FHIT: variants seen among roughly 807,000 people sequenced by gnomAD.
FHIT encodes bis(5'-adenosyl)-triphosphatase.
FHIT carries 19 observed loss-of-function variants against 17.9 expected under a neutral mutation model. That is an observed-to-expected ratio of 1.06 (90% confidence interval 0.74 to 1.56). The LOEUF is 1.56. Ranked by LOEUF, FHIT falls within the 40% of genes most tolerant of loss-of-function variation. FHIT has a pLI of 0.00. For missense variants in FHIT, 248 were observed against 189.2 expected (o/e 1.31, Z -1.82); for synonymous variants, 81 against 69.7 (o/e 1.16, Z -0.81).
intron 8 of FHIT, among the ~76,000 whole-genome samples, chr3:59,819,071 G>T (rs1202136304): frequency 6.6e-6 from 1 of 152,164 alleles, no homozygotes; most frequent in East Asian, 1.9e-4. Context: ...TGTAGAAACA[G>T]TTCCATATGC....
intron 5 of FHIT, among the ~76,000 whole-genome samples, chr3:60,211,301 T>C (rs1703442893): frequency 6.6e-6 from 1 of 151,992 alleles, no homozygotes; most frequent in Non-Finnish European, 1.5e-5. Flanking sequence ...TGCAACCTTA[T>C]GTATATATTG....
intron 4 of FHIT, among the ~76,000 whole-genome samples, chr3:60,698,892 G>A (rs1483899786): frequency 7.2e-5 from 11 of 152,080 alleles, no homozygotes; most frequent in African/African-American, 2.2e-4. Context: ...TAATCTATTA[G>A]CACATCACCC....
At chr3:59,792,905 T>C (rs993021383) in intron 8 of FHIT, among the ~76,000 whole-genome samples, 7 of 151,230 alleles carry the variant, frequency 4.6e-5, no homozygotes, top group Non-Finnish European at 7.4e-5. Context: ...CTTGAAAATC[T>C]GATGAAGTAT....
intron 4 of FHIT, among the ~76,000 whole-genome samples, chr3:60,613,817 G>T (rs988279323): frequency 5.9e-5 from 9 of 152,054 alleles, no homozygotes; most frequent in African/African-American, 2.2e-4. Context: ...TATCACACAG[G>T]TGTCTTGGAG....
intron 5 of FHIT, among the ~76,000 whole-genome samples, chr3:60,316,180 C>G (rs1314168546): frequency 6.6e-6 from 1 of 152,130 alleles, no homozygotes; most frequent in Non-Finnish European, 1.5e-5. Context: ...AGGATACATG[C>G]AGTAAGCTAA....
At chr3:60,792,924 T>C (rs1700836039) in intron 4 of FHIT, among the ~76,000 whole-genome samples, 1 of 152,014 alleles carries the variant, frequency 6.6e-6, no homozygotes, top group African/African-American at 2.4e-5. Flanking sequence ...ACATTAGCTA[T>C]GAGTAGCCGA....
At chr3:60,813,957 AT>A (rs1701650186) in intron 4 of FHIT, among the ~76,000 whole-genome samples, 2 of 151,940 alleles carry the variant, frequency 1.3e-5, no homozygotes, top group South Asian at 2.1e-4. Context: ...CCATCAATTT[AT>A]TTTAAACCTA....
In FHIT at chr3:60,630,641, G is replaced by T. The variant is rs191426724; in HGVS notation, c.-17-93662C>A. On this transcript the variant is annotated intron_variant, in intron 4 of 9. Coordinates refer to ENST00000492590, the MANE Select transcript of FHIT (RefSeq NM_002012.4). Reference sequence around the variant, plus strand: ...TGTCTGCCTACTATGTGAGCCTTACGCCATCCCTGAGACTCTGCCAGGCCC... The same window carrying T: ...TGTCTGCCTACTATGTGAGCCTTACTCCATCCCTGAGACTCTGCCAGGCCC... Among the ~76,000 whole-genome samples the T allele has an allele frequency of 2.1e-4, 32 of 152,108 alleles. No homozygotes were observed. In the East Asian group the frequency reaches 6.0e-3, roughly 29 times the overall value.
At chr3:61,002,790 A>G (rs2031185370) in intron 3 of FHIT, among the ~76,000 whole-genome samples, 1 of 152,116 alleles carries the variant, frequency 6.6e-6, no homozygotes, top group Non-Finnish European at 1.5e-5. Flanking sequence ...ATCACTGGAA[A>G]GTGGATTGCA....
chr3:60,549,032 C>A (rs944268915), intron 4 of FHIT, among the ~76,000 whole-genome samples: 1 of 152,166 alleles, frequency 6.6e-6, no homozygotes, highest in Non-Finnish European at 1.5e-5. Context: ...CAAGGACACA[C>A]ATAAAGCACT....
intron 5 of FHIT, among the ~76,000 whole-genome samples, chr3:60,349,561 A>G (rs78026242): frequency 2.4e-4 from 37 of 152,322 alleles, no homozygotes; most frequent in African/African-American, 7.9e-4. Context: ...AACATATTCC[A>G]AAAGATTCAT....
chr3:60,274,465 T>C (rs1397967151), intron 5 of FHIT, among the ~76,000 whole-genome samples: 2 of 152,136 alleles, frequency 1.3e-5, no homozygotes, highest in Non-Finnish European at 2.9e-5. Context: ...ATGGAATGAA[T>C]GATCCACACT....
chr3:59,950,790 A>G (rs149889987), intron 7 of FHIT, among the ~76,000 whole-genome samples: 2 of 152,246 alleles, frequency 1.3e-5, no homozygotes, highest in African/African-American at 4.8e-5. Context: ...ACTTTGGAAA[A>G]CACCTCTGAA....
At chr3:60,618,017 A>G (rs556772327) in intron 4 of FHIT, 7 of 223,496 alleles carry the variant, frequency 3.1e-5, no homozygotes, top group African/African-American at 1.7e-4. Context: ...TGAGGACATC[A>G]AGCATCACTC....
chr3:60,415,566 T>A (rs578078937), intron 5 of FHIT, among the ~76,000 whole-genome samples: 1 of 152,216 alleles, frequency 6.6e-6, no homozygotes, highest in African/African-American at 2.4e-5. Flanking sequence ...CTTAGATGTC[T>A]AAAAATATTC....
At chr3:60,323,228 T>C (rs1709513160) in intron 5 of FHIT, among the ~76,000 whole-genome samples, 1 of 152,124 alleles carries the variant, frequency 6.6e-6, no homozygotes, top group African/African-American at 2.4e-5. Context: ...AATCACTGTT[T>C]CACATTCATG....
chr3:60,027,075 G>A (rs1234760375), intron 5 of FHIT, among the ~76,000 whole-genome samples: 1 of 147,508 alleles, frequency 6.8e-6, no homozygotes, highest in East Asian at 2.0e-4. Flanking sequence ...CTCTAGCCTG[G>A]GTGACAGAGT....
At chr3:60,466,403 C>G (rs1355122198) in intron 5 of FHIT, among the ~76,000 whole-genome samples, 3 of 152,020 alleles carry the variant, frequency 2.0e-5, no homozygotes, top group Admixed American at 6.6e-5. Flanking sequence ...CTATGACTTC[C>G]AGTACTATGT....
At chr3:60,969,972 C>T (rs1252333304) in intron 3 of FHIT, among the ~76,000 whole-genome samples, 2 of 152,088 alleles carry the variant, frequency 1.3e-5, no homozygotes, top group Non-Finnish European at 2.9e-5. Flanking sequence ...TCAAGTGATC[C>T]TCCCACCTCA....
Sources: gnomAD v4.1 joint callset for allele counts (sites outside exome capture counted in the v4.1 genomes callset) on GRCh38, gnomAD v4.1.1 for gene constraint, MANE v1.5 for transcripts, NCBI Gene and HGNC (gene_info 2026-07-23, HGNC 2026-07-21) for gene names.